The following AMPD1 variants were observed in gnomAD, a reference collection of about 807,000 sequenced individuals.
AMPD1 encodes AMP deaminase 1.
Under a neutral mutation model 82.9 loss-of-function variants are expected in AMPD1, and 74 were observed. The ratio of observed to expected loss-of-function variants is 0.89; its 90% confidence interval spans 0.74 to 1.08. The LOEUF (loss-of-function observed/expected upper bound fraction) is 1.08, where lower values mean the gene tolerates loss of function less well. Ranked by LOEUF, AMPD1 falls within the 50% of genes least tolerant of loss-of-function variation. The pLI is 0.00. For missense variants in AMPD1, 881 were observed against 924.5 expected, an observed-to-expected ratio of 0.95 and a Z score of 0.61; for synonymous variants, 333 against 320.5, an observed-to-expected ratio of 1.04 and a Z score of -0.42.
intron 2 of AMPD1, among the ~76,000 whole-genome samples, chr1:114,691,919 C>T (rs190476811): frequency 3.3e-5 from 5 of 151,764 alleles, no homozygotes; most frequent in Non-Finnish European, 7.4e-5. Context: ...AGCAAGACTC[C>T]GTCTCAAAAA....
intron 9 of AMPD1, 56 bp downstream of exon 9, chr1:114,677,854 T>G: frequency 9.0e-7 from 1 of 1,105,916 alleles, no homozygotes; most frequent in Non-Finnish European, 1.2e-6. Context: ...TCCTTCCTTC[T>G]TCCCTTTCCT....
chr1:114,685,524 C>A (rs1658288244), intron 4 of AMPD1, among the ~76,000 whole-genome samples: 1 of 152,154 alleles, frequency 6.6e-6, no homozygotes, highest in African/African-American at 2.4e-5. Flanking sequence ...AGCAGCCCAG[C>A]CACATTCAGC....
chr1:114,695,408 A>C lies in AMPD1; in HGVS notation c.22+42T>G, dbSNP rs201623044. The C allele has an allele frequency of 5.9e-4, 953 of 1,602,956 alleles. 1 individual carries two copies. The highest frequency in any genetic ancestry group is 3.5e-3 in the African/African-American group (258 of 74,246). ...ACAGTTGCTTGTCAAAAAAAAAAAA[A>C]AACAACAACAACTGAGCTCTCCAAA... On this transcript the variant is annotated intron_variant, in intron 1 of 15. Transcript: ENST00000520113.
chr1:114,687,561 C>G (rs1021903053), intron 3 of AMPD1, among the ~76,000 whole-genome samples: 1 of 151,844 alleles, frequency 6.6e-6, no homozygotes, highest in Non-Finnish European at 1.5e-5. Context: ...TAGTCTTTTC[C>G]CCATGAAGCT....
intron 12 of AMPD1, 107 bp from the exon 13 acceptor site, chr1:114,674,979 A>G: frequency 7.0e-7 from 1 of 1,434,262 alleles, no homozygotes; most frequent in East Asian, 2.3e-5. Flanking sequence ...AGCCATCCAA[A>G]GGATTCAGCA....
rs1238666249 is a variant in AMPD1 at position 114,688,645 on chromosome 1, T to C, written c.131A>G (p.Asp44Gly). ...GRQEISPFDV[D>G]EICPISHHEM... Reference sequence around the variant, plus strand: ...ATGATGAGAAATCGGACAGATCTCATCCACATCAAAGGGGGAAATCTCCTG... The same window carrying C: ...ATGATGAGAAATCGGACAGATCTCACCCACATCAAAGGGGGAAATCTCCTG... Residue 44 changes from aspartate (D) to glycine (G), a missense_variant, in exon 3 of 16, where the codon GAT becomes GGT. Transcript: ENST00000520113. 5.0e-6 allele frequency: 8 copies of C among 1,614,090 alleles called. No homozygotes were observed. In the East Asian group the frequency reaches 1.3e-4, roughly 27 times the overall value.
Position 114,695,499 on chromosome 1 carries a change from A to G in AMPD1, c.-28T>C, listed in dbSNP as rs1267081264. ...TTGCTGAAATCCTTGATTCTAGGAT[A>G]GCACAGTAGAAAAGAAGAGAGAGGA... On this transcript the variant is annotated 5_prime_UTR_variant, in exon 1 of 16. Coordinates refer to ENST00000520113, the MANE Select transcript of AMPD1 (RefSeq NM_000036.3). 2 of 1,613,958 alleles carry G rather than the reference A, an allele frequency of 1.2e-6. No individual in the cohort carries two copies. The highest frequency in any genetic ancestry group is 1.7e-6 in the Non-Finnish European group (2 of 1,179,992).
At chr1:114,690,931 C>T (rs1658498083) in intron 2 of AMPD1, among the ~76,000 whole-genome samples, 1 of 152,166 alleles carries the variant, frequency 6.6e-6, no homozygotes, top group Admixed American at 6.5e-5. Flanking sequence ...CTGGAGGCCT[C>T]AGGAAGGACA....
Position 114,673,744 on chromosome 1 carries a change from G to A in AMPD1, c.1980C>T (p.Pro660=). The stretch of plus-strand genomic sequence containing the variant: ...CAGCAATAGCATATTCTTCCATTAG[G>A]GGCTCCTGCAGTTATATTAAATGAG... ...DPMQFHFTKE[P]LMEEYAIAAQ... is the part of the protein sequence containing the mutation. Residue 660 remains proline (P), a synonymous_variant, in exon 15 of 16, where the codon CCC becomes CCT. Coordinates refer to ENST00000520113, the MANE Select transcript of AMPD1 (RefSeq NM_000036.3). 2 of 1,612,472 alleles carry A rather than the reference G, an allele frequency of 1.2e-6. No homozygotes were observed. The highest frequency in any genetic ancestry group is 1.7e-6 in the Non-Finnish European group (2 of 1,178,572).
chr1:114,673,858 G>C, intron 14 of AMPD1, 51 bp downstream of exon 14: 1 of 1,601,524 alleles, frequency 6.2e-7, no homozygotes, highest in Non-Finnish European at 8.6e-7. Flanking sequence ...TTCTGGACGG[G>C]AAACAACAGT....
intron 4 of AMPD1, among the ~76,000 whole-genome samples, chr1:114,686,101 A>T (rs1405459206): frequency 1.3e-5 from 2 of 152,178 alleles, no homozygotes; most frequent in Non-Finnish European, 2.9e-5. Flanking sequence ...TGTTTGTGAC[A>T]TGACTTTACT....
intron 4 of AMPD1, among the ~76,000 whole-genome samples, chr1:114,685,478 A>G (rs1658286577): frequency 6.6e-6 from 1 of 152,192 alleles, no homozygotes; most frequent in Non-Finnish European, 1.5e-5. Flanking sequence ...TAATTTGGGT[A>G]CAGACTACAA....
In AMPD1 at chr1:114,678,449, C is replaced by T. The variant is rs1296933937; in HGVS notation, c.976G>A (p.Asp326Asn). Reference protein sequence around the residue: ...LRFIKKSYQIDADRVVYSTKE... With the variant: ...LRFIKKSYQINADRVVYSTKE... ...GTGCTATAGACCACTCTGTCAGCAT[C>T]AATTTGGTAAGATTTCTTAATAAAA... The change falls in exon 8 of 16, where the codon GAT becomes AAT. Residue 326 changes from aspartate (D) to asparagine (N), a missense_variant. Physicochemically the swap from Asp to Asn is conservative, Grantham distance 23. Around this residue, in one of 2 missense-constraint regions of AMPD1, gnomAD observed 783 missense variants for 786.4 expected, o/e 1.00. Transcript: ENST00000520113. The T allele has an allele frequency of 6.2e-7, 1 of 1,614,184 alleles. No individual in the cohort carries two copies. Among genetic ancestry groups the T allele is most frequent in the Admixed American group, 1.7e-5 (1 of 60,028 alleles).
intron 5 of AMPD1, among the ~76,000 whole-genome samples, chr1:114,681,856 C>T (rs1372405870): frequency 6.6e-6 from 1 of 152,132 alleles, no homozygotes; most frequent in Non-Finnish European, 1.5e-5. Flanking sequence ...TTTCACTCCC[C>T]TAAGAATCCT....
chr1:114,685,465 G>A (rs373288140), intron 4 of AMPD1, among the ~76,000 whole-genome samples: 14 of 152,294 alleles, frequency 9.2e-5, no homozygotes, highest in African/African-American at 3.4e-4. Context: ...CTAGGGTGAA[G>A]ACTAATTTGG....
chr1:114,690,430 T>A (rs565428707), intron 2 of AMPD1, among the ~76,000 whole-genome samples: 3 of 152,286 alleles, frequency 2.0e-5, no homozygotes, highest in East Asian at 1.9e-4. Flanking sequence ...TAGTACATGA[T>A]GAAATGTACA....
At position 114,684,234 on chromosome 1, in the gene AMPD1, C is replaced by T. The variant is rs142582318; in HGVS notation, c.512G>A (p.Gly171Asp). The change falls in exon 5 of 16, where the codon GGT (glycine) becomes GAT (aspartate). Residue 171 changes from glycine to aspartate, a missense_variant. This residue lies in a region of AMPD1 where 783 missense variants were observed against 786.4 expected (regional missense o/e 1.00). Coordinates refer to ENST00000520113, the MANE Select transcript of AMPD1 (RefSeq NM_000036.3). ...TPSKYLRNID[G>D]EAWVANESFY... ...GCTCTCATTTGCTACCCAAGCCTCA[C>T]CATCAATGTTCCGCAAGTATTTGGA... is the stretch of plus-strand genomic sequence containing the variant. 1,089 of 1,614,112 alleles carry T rather than the reference C, an allele frequency of 6.7e-4. No homozygotes were observed. Among genetic ancestry groups the T allele is most frequent in the Non-Finnish European group, 5.8e-4 (689 of 1,180,014 alleles).
At chr1:114,677,846 C>CTTCCTTCCTTCCTTCA in intron 9 of AMPD1, 64 bp downstream of exon 9, 1 of 1,350,820 alleles carries the variant, frequency 7.4e-7, no homozygotes, top group Non-Finnish European at 1.0e-6. Context: ...TCCTTCCTTC[C>CTTCCTTCCTTCCTTCA]TTCCTTCTTC....
Position 114,674,097 on chromosome 1 carries a change from TA to T in AMPD1, c.1801-16del. ...AGCACGGGACTCTGAAAAAGAAAAGTAAAAAAATATTTAAAGATGTTGAAAA... is the reference window on the plus strand; with the variant it reads ...AGCACGGGACTCTGAAAAAGAAAAGTAAAAAATATTTAAAGATGTTGAAAA... On this transcript the variant is annotated splice_polypyrimidine_tract_variant and intron_variant, in intron 13 of 15. Coordinates refer to ENST00000520113, the MANE Select transcript of AMPD1 (RefSeq NM_000036.3). 1 of 1,608,810 alleles carries T rather than the reference TA, an allele frequency of 6.2e-7. No individual in the cohort carries two copies. Among genetic ancestry groups the T allele is most frequent in the East Asian group, 2.2e-5 (1 of 44,796 alleles).
Sources: allele counts gnomAD v4.1 joint callset (sites outside exome capture counted in the v4.1 genomes callset), GRCh38; gene constraint gnomAD v4.1.1; regional missense constraint gnomAD v4.1.1; transcripts MANE v1.5; gene names NCBI Gene and HGNC (gene_info 2026-07-23, HGNC 2026-07-21).